The following WDR72 variants were observed in gnomAD, a reference collection of about 807,000 sequenced individuals.
The protein encoded by WDR72 is WD repeat domain 72, also known as WD repeat-containing protein 72.
WDR72 carries 120 observed loss-of-function variants against 124.2 expected under a neutral mutation model. The ratio of observed to expected loss-of-function variants is 0.97; its 90% CI spans 0.83 to 1.12. The LOEUF (loss-of-function observed/expected upper bound fraction) is 1.12, where lower values mean the gene tolerates loss of function less well. WDR72 is among the 50% of genes most tolerant of loss of function. WDR72 has a pLI of 0.00. For synonymous variants in WDR72, 452 were observed against 441.7 expected (o/e 1.02, Z -0.29); for missense variants, 1,387 against 1,278.8 (o/e 1.08, Z -1.29).
At chr15:53,654,831 C>T (rs1595822692) in intron 14 of WDR72, among the ~76,000 whole-genome samples, 2 of 152,166 alleles carry the variant, frequency 1.3e-5, no homozygotes, top group South Asian at 4.1e-4. Flanking sequence ...CTTACTAATT[C>T]CATCCTTGTT....
chr15:53,756,522 C>T (rs1307941763), intron 1 of WDR72: 1 of 152,152 alleles, frequency 6.6e-6, no homozygotes, highest in South Asian at 2.1e-4. Flanking sequence ...AATTACATCT[C>T]CCTCATCCTG....
intron 2 of WDR72, 150 bp from the exon 3 acceptor site, chr15:53,723,058 T>A: frequency 9.5e-6 from 7 of 733,742 alleles, no homozygotes; most frequent in Non-Finnish European, 1.4e-5. Flanking sequence ...AATAACAACA[T>A]CCACAGAGTA....
chr15:53,754,360 G>A (rs991604399), intron 1 of WDR72, among the ~76,000 whole-genome samples: 1 of 152,022 alleles, frequency 6.6e-6, no homozygotes, highest in African/African-American at 2.4e-5. Flanking sequence ...GACATAAGAG[G>A]TAGCAGAGGG....
chr15:53,676,075 T>A (rs900548543), intron 13 of WDR72, among the ~76,000 whole-genome samples: 4 of 152,108 alleles, frequency 2.6e-5, no homozygotes, highest in Non-Finnish European at 4.4e-5. Flanking sequence ...GTGCCACTTG[T>A]AAAATTCAAT....
At chr15:53,667,019 T>A (rs1242832234) in intron 13 of WDR72, among the ~76,000 whole-genome samples, 11 of 152,296 alleles carry the variant, frequency 7.2e-5, no homozygotes, top group Non-Finnish European at 1.2e-4. Flanking sequence ...TACAAGCTTA[T>A]AAACATGTTG....
At position 53,609,525 on chromosome 15, in the gene WDR72, G is replaced by T; in HGVS notation, c.2940C>A (p.Asp980Glu). The T allele has an allele frequency of 6.2e-7, 1 of 1,613,302 alleles. No homozygotes were observed. The highest frequency in any genetic ancestry group is 1.1e-5 in the South Asian group (1 of 91,074). ...SLLKLISCWR[D>E]QSVQVTEAIQ... The stretch of plus-strand genomic sequence containing the variant: ...AATTATATCATACCTGCACAGACTG[G>T]TCTCTCCAACAGGAAATTAGCTTCA... Residue 980 changes from aspartate to glutamate, a missense_variant, in exon 17 of 20, where the codon GAC becomes GAA. Transcript: ENST00000360509.
intron 18 of WDR72, among the ~76,000 whole-genome samples, chr15:53,573,639 G>C (rs974738054): frequency 6.6e-6 from 1 of 151,504 alleles, no homozygotes. Flanking sequence ...TCCACCTCCC[G>C]TGTTCAAGCG....
intron 18 of WDR72, among the ~76,000 whole-genome samples, chr15:53,551,343 G>A (rs1893720076): frequency 6.6e-6 from 1 of 152,162 alleles, no homozygotes; most frequent in African/African-American, 2.4e-5. Context: ...AATTCACGCA[G>A]AATTGGCATG....
At chr15:53,676,993 TCACTGCAAG>T (rs1271116196) in intron 13 of WDR72, among the ~76,000 whole-genome samples, 2 of 150,272 alleles carry the variant, frequency 1.3e-5, no homozygotes, top group Non-Finnish European at 2.9e-5. Flanking sequence ...CCATCTCGGC[TCACTGCAAG>T]CTCTGCCTCC....
intron 6 of WDR72, 108 bp from the exon 7 acceptor site, chr15:53,712,999 G>A (rs1198670562): frequency 7.2e-6 from 9 of 1,254,742 alleles, no homozygotes; most frequent in South Asian, 4.0e-5. Flanking sequence ...ATTATAAAAC[G>A]AAAAGTATCT....
Position 53,613,759 on chromosome 15 carries a change from T to G in WDR72, c.2781-2A>C, listed in dbSNP as rs943319746. The G allele has an allele frequency of 6.3e-7, 1 of 1,590,582 alleles. No individual in the cohort carries two copies. Among genetic ancestry groups the G allele is most frequent in the Non-Finnish European group, 8.6e-7 (1 of 1,160,044 alleles). On this transcript the variant is annotated splice_acceptor_variant, in intron 15 of 19. Transcript: ENST00000360509. LOFTEE classifies it high-confidence loss of function. ...TGTATACTTTCCATTCTGAAAGAAC[T>G]GTTAGAAAAAAGATTGACAGCATAT...
At chr15:53,546,264 C>T (rs1893452202) in intron 18 of WDR72, among the ~76,000 whole-genome samples, 1 of 152,038 alleles carries the variant, frequency 6.6e-6, no homozygotes, top group Non-Finnish European at 1.5e-5. Flanking sequence ...GGAACCAACC[C>T]AGATGTCCAA....
chr15:53,686,461 A>C (rs938203522), intron 13 of WDR72, among the ~76,000 whole-genome samples: 1 of 151,062 alleles, frequency 6.6e-6, no homozygotes, highest in African/African-American at 2.4e-5. Flanking sequence ...AAAGAGACAA[A>C]GAAGGCCATT....
chr15:53,528,960 A>C (rs1175350922), intron 18 of WDR72, among the ~76,000 whole-genome samples: 1 of 151,914 alleles, frequency 6.6e-6, no homozygotes, highest in East Asian at 1.9e-4. Flanking sequence ...ACTTTTTAAA[A>C]ATCAATGATT....
intron 13 of WDR72, among the ~76,000 whole-genome samples, chr15:53,681,484 T>A (rs1409677206): frequency 6.6e-6 from 1 of 152,046 alleles, no homozygotes; most frequent in Admixed American, 6.5e-5. Flanking sequence ...ACCAGATACA[T>A]AACAAACTAC....
At chr15:53,740,640 C>A (rs2018485998) in intron 1 of WDR72, among the ~76,000 whole-genome samples, 1 of 152,220 alleles carries the variant, frequency 6.6e-6, no homozygotes, top group African/African-American at 2.4e-5. Context: ...ATATGGGAAT[C>A]ATTTCTTAAT....
chr15:53,615,060 C>A (rs981738064), intron 15 of WDR72, among the ~76,000 whole-genome samples: 2 of 151,720 alleles, frequency 1.3e-5, no homozygotes, highest in African/African-American at 4.8e-5. Flanking sequence ...TGATTCACAC[C>A]ATGTATAATG....
At position 53,599,926 on chromosome 15, in the gene WDR72, C is replaced by A. The variant is rs953600799; in HGVS notation, c.2953-2652G>T. The stretch of plus-strand genomic sequence containing the variant: ...ATAAGAATAATGATACGAATATCAT[C>A]AAAAACAAGGAGAACAGAAATAACT... On this transcript the variant is annotated intron_variant, in intron 17 of 19. Transcript: ENST00000360509. Among the ~76,000 whole-genome samples the A allele has an allele frequency of 2.0e-5, 3 of 151,986 alleles. No homozygotes were observed. In the East Asian group the frequency reaches 5.8e-4, roughly 29 times the overall value.
intron 13 of WDR72, among the ~76,000 whole-genome samples, chr15:53,670,079 T>C (rs562321286): frequency 6.6e-6 from 1 of 152,178 alleles, no homozygotes; most frequent in Non-Finnish European, 1.5e-5. Flanking sequence ...TCAAAGTAGG[T>C]GTGCAAAAAT....
Sources: allele counts gnomAD v4.1 joint callset (sites outside exome capture counted in the v4.1 genomes callset), GRCh38; gene constraint gnomAD v4.1.1; transcripts MANE v1.5; gene names NCBI Gene and HGNC (gene_info 2026-07-23, HGNC 2026-07-21).